SYN3: variants seen among roughly 807,000 people sequenced by gnomAD.
SYN3 encodes the protein synapsin III, also known as synapsin-3.
A neutral mutation model predicts 65.8 loss-of-function variants in SYN3; 35 were observed. The ratio of observed to expected loss-of-function variants is 0.53; its 90% CI spans 0.41 to 0.70. SYN3 has a LOEUF of 0.70. Among genes scored for constraint, SYN3 ranks in the 30% least tolerant of loss-of-function variants. SYN3 has a pLI of 0.00. For synonymous variants in SYN3, 270 were observed against 292.9 expected, an observed-to-expected ratio of 0.92 and a Z score of 0.80; for missense variants, 680 against 749.0, an observed-to-expected ratio of 0.91 and a Z score of 1.08.
chr22:32,769,653 G>A (rs1231302298), intron 6 of SYN3, among the ~76,000 whole-genome samples: 1 of 152,076 alleles, frequency 6.6e-6, no homozygotes, highest in Non-Finnish European at 1.5e-5. Context: ...GAGTAGCTGG[G>A]ATTACAGGCA....
intron 2 of SYN3, among the ~76,000 whole-genome samples, chr22:32,997,322 G>A (rs1292285158): frequency 2.0e-5 from 3 of 152,144 alleles, no homozygotes; most frequent in East Asian, 1.9e-4. Context: ...ATGCAGACAC[G>A]ACCCCATCCT....
intron 3 of SYN3, among the ~76,000 whole-genome samples, chr22:32,933,196 A>G (rs2050681612): frequency 6.6e-6 from 1 of 152,198 alleles, no homozygotes; most frequent in African/African-American, 2.4e-5. Context: ...TAGATGCCAA[A>G]AGCAATTTCT....
rs547508455 is a variant in SYN3, at chr22:32,843,321, G to T, written c.711+21594C>A. 1.9e-4 allele frequency among the ~76,000 whole-genome samples: 29 copies of T among 152,358 alleles called. No individual in the cohort carries two copies. The South Asian group carries it at 5.8e-3, about 30-fold the overall frequency. ...CCTTCTCCTCTAGATTCACTAATGT[G>T]ATGCTAAGAAAAGCAAGCAGTTTGT... On this transcript the variant is annotated intron_variant, in intron 6 of 13. Transcript: ENST00000358763.
rs145558300 is a variant in SYN3 at position 32,510,478 on chromosome 22, C to T, written c.*3214G>A. On this transcript the variant is annotated 3_prime_UTR_variant, in exon 14 of 14. Transcript: ENST00000358763. ...ACTGGGTGAGATTGTTGAAGAGGGA[C>T]GATTGCCACAGGGGTTTCCTGTGTT... 3.3e-5 allele frequency among the ~76,000 whole-genome samples: 5 copies of T among 152,252 alleles called. No homozygotes were observed. The highest frequency in any genetic ancestry group is 1.3e-4 in the Admixed American group (2 of 15,298).
chr22:32,772,918 G>C (rs1214630788), intron 6 of SYN3, among the ~76,000 whole-genome samples: 1 of 152,130 alleles, frequency 6.6e-6, no homozygotes, highest in Non-Finnish European at 1.5e-5. Flanking sequence ...CTGGTTTGGG[G>C]TTTCCAATTC....
intron 6 of SYN3, among the ~76,000 whole-genome samples, chr22:32,827,583 A>G (rs1053667933): frequency 1.4e-5 from 2 of 138,750 alleles, no homozygotes; most frequent in African/African-American, 2.8e-5. Context: ...GGTTATGACT[A>G]TCATGAACTC....
chr22:32,663,803 TG>T (rs1230493821), intron 6 of SYN3, among the ~76,000 whole-genome samples: 3 of 152,240 alleles, frequency 2.0e-5, no homozygotes, highest in Non-Finnish European at 2.9e-5. Flanking sequence ...ACGTGAATAA[TG>T]TAAAATTTCA....
chr22:32,908,377 C>A lies in SYN3; in HGVS notation c.461+23013G>T, dbSNP rs11704534. ...CTGAGATTACAGGGGTGAGCCACCA[C>A]GCCTAGCCTTTTTTTTTTTTTTTTT... On this transcript the variant is annotated intron_variant, in intron 4 of 13. Transcript: ENST00000358763. Among the ~76,000 whole-genome samples, 35 of 145,386 alleles carry A rather than the reference C, an allele frequency of 2.4e-4. No homozygotes were observed. The South Asian group carries it at 7.6e-3, about 32-fold the overall frequency.
At chr22:32,769,266 C>T (rs130528) in intron 6 of SYN3, among the ~76,000 whole-genome samples, 142,523 of 152,262 alleles carry the variant, frequency 0.94, 66,814 homozygotes, top group African/African-American at 0.97. Flanking sequence ...CATTCTCTCT[C>T]GACCTCACTC....
At chr22:32,898,713 T>C (rs901342257) in intron 4 of SYN3, among the ~76,000 whole-genome samples, 6 of 152,176 alleles carry the variant, frequency 3.9e-5, no homozygotes, top group South Asian at 2.1e-4. Flanking sequence ...ATTTGGACCA[T>C]TGAGAAATGG....
chr22:32,589,972 C>G (rs907927892), intron 7 of SYN3, among the ~76,000 whole-genome samples: 1 of 152,110 alleles, frequency 6.6e-6, no homozygotes, highest in African/African-American at 2.4e-5. Flanking sequence ...TTCATAGATC[C>G]TAAGAGTGAA....
intron 6 of SYN3, chr22:32,849,379 C>T: frequency 1.5e-6 from 2 of 1,357,502 alleles, no homozygotes; most frequent in Non-Finnish European, 1.0e-6. Context: ...GGCTAGCGTG[C>T]CCGCCCTGAG....
At chr22:32,970,399 T>C (rs1341264811) in intron 3 of SYN3, among the ~76,000 whole-genome samples, 1 of 151,578 alleles carries the variant, frequency 6.6e-6, no homozygotes, top group Non-Finnish European at 1.5e-5. Context: ...CCCGACACTT[T>C]GTGAGGCCAA....
At chr22:32,880,802 A>G (rs537147873) in intron 4 of SYN3, among the ~76,000 whole-genome samples, 1 of 152,364 alleles carries the variant, frequency 6.6e-6, no homozygotes, top group South Asian at 2.1e-4. Flanking sequence ...ACTGTTAGGT[A>G]CAAGTTGCGC....
In SYN3 at chr22:32,654,426, G is replaced by A. The variant is rs1298270070; in HGVS notation, c.712-57690C>T. On this transcript the variant is annotated intron_variant, in intron 6 of 13. Coordinates refer to ENST00000358763, the MANE Select transcript of SYN3 (RefSeq NM_003490.4). ...GTGATCCCCCAAATCAAGTTCCTTG[G>A]CTCTGCCTCCAAAGCCTCCTGTGGT... Among the ~76,000 whole-genome samples, 4 of 152,242 alleles carry A rather than the reference G, an allele frequency of 2.6e-5. No homozygotes were observed. The East Asian group carries it at 7.7e-4, about 29-fold the overall frequency.
intron 2 of SYN3, among the ~76,000 whole-genome samples, chr22:33,003,482 A>T (rs754800080): frequency 8.5e-5 from 13 of 152,140 alleles, no homozygotes; most frequent in Admixed American, 6.6e-4. Flanking sequence ...TCTCAGATGG[A>T]GATGAAAAAC....
At chr22:32,803,021 C>T (rs1163128286) in intron 6 of SYN3, among the ~76,000 whole-genome samples, 2 of 152,206 alleles carry the variant, frequency 1.3e-5, no homozygotes, top group African/African-American at 4.8e-5. Flanking sequence ...CGAGAGCATC[C>T]TGGGAGGCTT....
At chr22:32,572,348 CCTT>C in intron 7 of SYN3, among the ~76,000 whole-genome samples, 3 of 99,092 alleles carry the variant, frequency 3.0e-5, no homozygotes, top group African/African-American at 1.4e-4. Flanking sequence ...TTCCTTCCTT[CCTT>C]CCCTTACTTC....
intron 6 of SYN3, among the ~76,000 whole-genome samples, chr22:32,605,377 G>T (rs1383942668): frequency 6.6e-6 from 1 of 152,104 alleles, no homozygotes; most frequent in Admixed American, 6.5e-5. Context: ...GGCAGCCGTC[G>T]AGGGTTTGGA....
Sources: gnomAD v4.1 joint callset for allele counts (sites outside exome capture counted in the v4.1 genomes callset) on GRCh38, gnomAD v4.1.1 for gene constraint, MANE v1.5 for transcripts, NCBI Gene and HGNC (gene_info 2026-07-23, HGNC 2026-07-21) for gene names.